NPHP1: variants seen among roughly 807,000 people sequenced by gnomAD.
NPHP1 encodes nephrocystin-1.
NPHP1 carries 70 observed loss-of-function variants against 90.4 expected under a neutral mutation model. The ratio of observed to expected loss-of-function variants is 0.77; its 90% CI spans 0.64 to 0.95. The LOEUF (loss-of-function observed/expected upper bound fraction) is 0.95, where lower values mean the gene tolerates loss of function less well. Ranked by LOEUF, NPHP1 falls within the 40% of genes least tolerant of loss-of-function variation. The pLI is 0.00. For synonymous variants in NPHP1, 256 were observed against 271.7 expected (o/e 0.94, Z 0.57); for missense variants, 764 against 795.9 (o/e 0.96, Z 0.48).
chr2:110,160,261 A>G lies in NPHP1; in HGVS notation c.955-6T>C, dbSNP rs773397224. 6.2e-7 allele frequency: 1 copy of G among 1,601,188 alleles called. No individual in the cohort carries two copies. Among genetic ancestry groups the G allele is most frequent in the Non-Finnish European group, 8.6e-7 (1 of 1,168,948 alleles). Reference sequence around the variant, plus strand: ...CGACTTGGTCTCGACCTAATCTGAAAGAAAAATTAGTTATAAAAAAGTTTA... The same window carrying G: ...CGACTTGGTCTCGACCTAATCTGAAGGAAAAATTAGTTATAAAAAAGTTTA... On this transcript the variant is annotated splice_region_variant and splice_polypyrimidine_tract_variant and intron_variant, in intron 10 of 19. Transcript: ENST00000445609.
intron 14 of NPHP1, among the ~76,000 whole-genome samples, chr2:110,146,507 T>C (rs1230066894): frequency 1.3e-5 from 2 of 152,236 alleles, no homozygotes; most frequent in South Asian, 2.1e-4. Flanking sequence ...TGAAAGAATA[T>C]TCTCAGCAGA....
chr2:110,164,536 G>A, intron 8 of NPHP1, 152 bp downstream of exon 8: 1 of 1,527,842 alleles, frequency 6.5e-7, no homozygotes, highest in Non-Finnish European at 9.1e-7. Flanking sequence ...CACAGGCTTA[G>A]AAACCAGAAA....
At chr2:110,146,132 G>A (rs1489006251) in intron 14 of NPHP1, among the ~76,000 whole-genome samples, 1 of 152,082 alleles carries the variant, frequency 6.6e-6, no homozygotes. Context: ...CCATCCTACT[G>A]CCTGCCCATT....
Position 110,191,119 on chromosome 2 carries a change from C to A in NPHP1, c.143+10302G>T, listed in dbSNP as rs1454949722. On this transcript the variant is annotated intron_variant, in intron 2 of 19. Coordinates refer to ENST00000445609, the MANE Select transcript of NPHP1 (RefSeq NM_001128178.3). ...AGAAGATGAATGATTTCTGCATTTC[C>A]AACTGAGGTACTGGGTTCATCTCAC... 2.0e-5 allele frequency among the ~76,000 whole-genome samples: 3 copies of A among 152,104 alleles called. No homozygotes were observed. In the South Asian group the frequency reaches 6.2e-4, roughly 32 times the overall value.
chr2:110,169,909 T>A lies in NPHP1; in HGVS notation c.419A>T (p.Glu140Val). ...AGATTCATTTTCCTCTTTCTCTTCC[T>A]CTTCCTCCTCTGCATCTTCTTCCTC... ...GGEEEDAEEEEEEKEENESHK... is the reference protein window; with the variant it reads ...GGEEEDAEEEVEEKEENESHK... The change falls in exon 5 of 20, where the codon GAG becomes GTG. Residue 140 changes from glutamate (E) to valine (V), a missense_variant. Physicochemically the swap from Glu to Val is moderately radical, Grantham distance 121. Transcript: ENST00000445609. 1 of 1,609,862 alleles carries A rather than the reference T, an allele frequency of 6.2e-7. No homozygotes were observed. Among genetic ancestry groups the A allele is most frequent in the Non-Finnish European group, 8.5e-7 (1 of 1,176,192 alleles).
chr2:110,185,246 CAG>C (rs1446865912), intron 2 of NPHP1: 1 of 494,982 alleles, frequency 2.0e-6, no homozygotes, highest in Admixed American at 2.1e-5. Context: ...TTTGTTGAGT[CAG>C]AGTGTTTGTG....
At chr2:110,144,438 A>G in intron 15 of NPHP1, 55 bp downstream of exon 15, 1 of 1,135,042 alleles carries the variant, frequency 8.8e-7, no homozygotes, top group Non-Finnish European at 1.3e-6. Flanking sequence ...TACCTCTCAG[A>G]TGCTTCTATT....
chr2:110,150,216 G>C lies in NPHP1; in HGVS notation c.1124C>G (p.Pro375Arg). Residue 375 changes from proline (P) to arginine (R), a missense_variant, in exon 12 of 20, where the codon CCT (proline) becomes CGT (arginine). Pro to Arg is a moderately radical substitution (Grantham distance 103, BLOSUM62 -2). Coordinates refer to ENST00000445609, the MANE Select transcript of NPHP1 (RefSeq NM_001128178.3). The stretch of plus-strand genomic sequence containing the variant: ...AAAGGTCCATGTTTTGGGCTTTTTA[G>C]GTTGCCATGTGGCTCTGACTGTATG... ...NIHTVRATWQ[P>R]KKPKTWTFSP... 1 of 1,613,936 alleles carries C rather than the reference G, an allele frequency of 6.2e-7. No individual in the cohort carries two copies. Among genetic ancestry groups the C allele is most frequent in the Middle Eastern group, 1.6e-4 (1 of 6,062 alleles).
At chr2:110,193,395 CAA>C (rs1259591286) in intron 2 of NPHP1, among the ~76,000 whole-genome samples, 1 of 150,580 alleles carries the variant, frequency 6.6e-6, no homozygotes, top group Non-Finnish European at 1.5e-5. Context: ...CAACAAAGAT[CAA>C]AAGAGACAAA....
chr2:110,163,198 T>C (rs928151907), intron 8 of NPHP1, 63 bp from the exon 9 acceptor site: 5 of 1,154,200 alleles, frequency 4.3e-6, no homozygotes, highest in Admixed American at 1.7e-5. Context: ...CTATAATACT[T>C]TATCACTAGA....
At position 110,123,993 on chromosome 2, in the gene NPHP1, G is replaced by T. The variant is rs549736636; in HGVS notation, c.1832C>A (p.Ser611Tyr). 1.2e-6 allele frequency: 2 copies of T among 1,614,076 alleles called. No individual in the cohort carries two copies. The highest frequency in any genetic ancestry group is 2.2e-5 in the South Asian group (2 of 91,074). The part of the protein sequence containing the change: ...YHDCVLPLLH[S>Y]TRLPPFRWAE... ...CCACCTGAATGGGGGTAGGCGTGTG[G>T]AGTGGAGAAGTGGGAGCACGCAGTC... Residue 611 changes from serine to tyrosine, a missense_variant, in exon 20 of 20, where the codon TCC (serine) becomes TAC (tyrosine). Ser to Tyr is a moderately radical substitution (Grantham distance 144). Coordinates refer to ENST00000445609, the MANE Select transcript of NPHP1 (RefSeq NM_001128178.3).
rs907171114 is a variant in NPHP1, at chr2:110,199,601, C to T, written c.143+1820G>A. Among the ~76,000 whole-genome samples the T allele has an allele frequency of 7.2e-5, 11 of 151,834 alleles. 1 individual carries two copies. The highest frequency in any genetic ancestry group is 3.2e-3 in the Middle Eastern group (1 of 316). ...TTGTGCCACTTCATTACAGCCTGAA[C>T]GACAGAGTGAGACCCCCCACATCCC... On this transcript the variant is annotated intron_variant, in intron 2 of 19. Transcript: ENST00000445609.
chr2:110,185,940 A>G (rs1574176590), intron 2 of NPHP1, among the ~76,000 whole-genome samples: 1 of 152,260 alleles, frequency 6.6e-6, no homozygotes, highest in South Asian at 2.1e-4. Flanking sequence ...CTTGCTTTCC[A>G]TCCGTTCTTG....
intron 4 of NPHP1, among the ~76,000 whole-genome samples, chr2:110,172,065 ACTT>A (rs1683163154): frequency 2.0e-5 from 3 of 152,138 alleles, no homozygotes; most frequent in Admixed American, 1.3e-4. Flanking sequence ...TACAGATTCA[ACTT>A]CTTTAGTAAA....
At chr2:110,145,635 A>G (rs1389653943) in intron 14 of NPHP1, among the ~76,000 whole-genome samples, 3 of 152,126 alleles carry the variant, frequency 2.0e-5, no homozygotes, top group African/African-American at 7.2e-5. Context: ...CACAGTATTC[A>G]AAATATTCTG....
intron 9 of NPHP1, among the ~76,000 whole-genome samples, chr2:110,162,330 G>T (rs546671001): frequency 6.6e-6 from 1 of 152,120 alleles, no homozygotes; most frequent in Admixed American, 6.5e-5. Context: ...CACATGAATG[G>T]GAGTAAGGGA....
chr2:110,130,395 C>G (rs1253995281), intron 17 of NPHP1, among the ~76,000 whole-genome samples: 1 of 152,158 alleles, frequency 6.6e-6, no homozygotes, highest in Non-Finnish European at 1.5e-5. Flanking sequence ...GGAAAACTAA[C>G]AAGCCTTATC....
chr2:110,135,476 CAAAAAAA>C (rs66696927), intron 16 of NPHP1, among the ~76,000 whole-genome samples: 4 of 15,116 alleles, frequency 2.6e-4, no homozygotes, highest in South Asian at 4.7e-3. Flanking sequence ...GACCCCGTCT[CAAAAAAA>C]AAAAAAAAAA....
At chr2:110,172,164 A>G (rs1683171461) in intron 4 of NPHP1, among the ~76,000 whole-genome samples, 1 of 152,146 alleles carries the variant, frequency 6.6e-6, no homozygotes, top group Admixed American at 6.5e-5. Flanking sequence ...TTTTATCTAA[A>G]TTTCAAACTT....
Sources: allele counts gnomAD v4.1 joint callset (sites outside exome capture counted in the v4.1 genomes callset), GRCh38; gene constraint gnomAD v4.1.1; transcripts MANE v1.5; gene names NCBI Gene and HGNC (gene_info 2026-07-23, HGNC 2026-07-21).